The following MAGI2 variants were observed in gnomAD, a reference collection of about 807,000 sequenced individuals.
The protein encoded by MAGI2 is membrane-associated guanylate kinase, WW and PDZ domain-containing protein 2.
Under a neutral mutation model 133.3 loss-of-function variants are expected in MAGI2, and 35 were observed. The observed-to-expected ratio is 0.26, with a 90% CI of 0.20 to 0.35. MAGI2 has a LOEUF of 0.35. MAGI2 is among the 10% of genes least tolerant of loss of function. MAGI2 has a pLI of 1.00. For missense variants in MAGI2, 1,636 were observed against 1,863.4 expected (o/e 0.88, Z 2.25); for synonymous variants, 729 against 710.6 (o/e 1.03, Z -0.41).
At chr7:78,813,868 C>T (rs372385661) in intron 2 of MAGI2, among the ~76,000 whole-genome samples, 11 of 151,296 alleles carry the variant, frequency 7.3e-5, no homozygotes, top group East Asian at 5.8e-4. Context: ...AAAGTCACTA[C>T]CTCAACTAAT....
intron 16 of MAGI2, 36 bp downstream of exon 16, chr7:78,159,988 AC>A (rs1563196958): frequency 1.3e-6 from 2 of 1,523,302 alleles, no homozygotes; most frequent in Non-Finnish European, 1.8e-6. Flanking sequence ...TCAAAACAAG[AC>A]CCCTTATTCA....
chr7:78,795,695 G>A (rs1016147633), intron 2 of MAGI2, among the ~76,000 whole-genome samples: 1 of 151,928 alleles, frequency 6.6e-6, no homozygotes, highest in Non-Finnish European at 1.5e-5. Flanking sequence ...AATAGGCAAA[G>A]GAATTCTGAG....
intron 2 of MAGI2, among the ~76,000 whole-genome samples, chr7:78,926,048 T>G (rs1799670176): frequency 6.6e-6 from 1 of 152,012 alleles, no homozygotes; most frequent in African/African-American, 2.4e-5. Flanking sequence ...TTCACCGCTA[T>G]TTCAAATCCA....
intron 1 of MAGI2, among the ~76,000 whole-genome samples, chr7:79,447,223 T>C (rs1294979397): frequency 2.0e-5 from 3 of 152,002 alleles, no homozygotes; most frequent in Non-Finnish European, 4.4e-5. Flanking sequence ...CATTGTACTA[T>C]GTATGTCCCT....
intron 2 of MAGI2, among the ~76,000 whole-genome samples, chr7:78,651,256 A>G (rs1811527107): frequency 6.6e-6 from 1 of 152,138 alleles, no homozygotes; most frequent in Admixed American, 6.6e-5. Context: ...CTGATAATTC[A>G]TGTAACACAC....
intron 3 of MAGI2, among the ~76,000 whole-genome samples, chr7:78,562,528 C>T (rs1272051815): frequency 6.6e-6 from 1 of 152,152 alleles, no homozygotes; most frequent in Non-Finnish European, 1.5e-5. Flanking sequence ...AAAAAGGCAT[C>T]TGCTATTTAT....
intron 1 of MAGI2, among the ~76,000 whole-genome samples, chr7:79,120,159 A>C (rs1321564587): frequency 6.6e-6 from 1 of 152,092 alleles, no homozygotes. Flanking sequence ...TATTCCTCAC[A>C]AAGTAGTCTG....
At chr7:79,436,173 C>T (rs1019688119) in intron 1 of MAGI2, among the ~76,000 whole-genome samples, 5 of 147,024 alleles carry the variant, frequency 3.4e-5, no homozygotes, top group South Asian at 2.1e-4. Context: ...TTCAGTGAGC[C>T]GAGATCGTGC....
intron 1 of MAGI2, among the ~76,000 whole-genome samples, chr7:79,284,258 C>T (rs930943078): frequency 6.6e-6 from 1 of 152,082 alleles, no homozygotes; most frequent in Non-Finnish European, 1.5e-5. Context: ...CTTTATCAGT[C>T]TCCTCCATGA....
rs1812665061 is a variant in MAGI2, at chr7:78,057,120, A to G, written c.3706+21827T>C. ...GATTGTTGGATTATATGGTAATTCCATATTTAATTTTTTGAAGAACCTCCA... is the reference window on the plus strand; with the variant it reads ...GATTGTTGGATTATATGGTAATTCCGTATTTAATTTTTTGAAGAACCTCCA... On this transcript the variant is annotated intron_variant, in intron 21 of 21. Coordinates refer to ENST00000354212, the MANE Select transcript of MAGI2 (RefSeq NM_012301.4). Among the ~76,000 whole-genome samples, 5 of 151,368 alleles carry G rather than the reference A, an allele frequency of 3.3e-5. No individual in the cohort carries two copies. The South Asian group carries it at 1.0e-3, about 31-fold the overall frequency.
chr7:78,624,025 C>A (rs1023220105), intron 3 of MAGI2, among the ~76,000 whole-genome samples: 1 of 152,030 alleles, frequency 6.6e-6, no homozygotes, highest in Non-Finnish European at 1.5e-5. Context: ...AATAGCCATT[C>A]TGACATGTGA....
At chr7:78,832,637 T>C (rs1243470777) in intron 2 of MAGI2, among the ~76,000 whole-genome samples, 2 of 152,114 alleles carry the variant, frequency 1.3e-5, no homozygotes, top group Non-Finnish European at 1.5e-5. Flanking sequence ...CATAATCTCA[T>C]GATACAAGGG....
intron 2 of MAGI2, among the ~76,000 whole-genome samples, chr7:78,779,396 T>C (rs1826229452): frequency 1.3e-5 from 2 of 152,206 alleles, no homozygotes. Context: ...AGTGAATTAC[T>C]TTCCTGAAGG....
intron 9 of MAGI2, among the ~76,000 whole-genome samples, chr7:78,322,141 G>A (rs576084990): frequency 6.6e-6 from 1 of 152,148 alleles, no homozygotes; most frequent in Admixed American, 6.5e-5. Context: ...GGAGAAATAG[G>A]AACACTTTTA....
intron 1 of MAGI2, among the ~76,000 whole-genome samples, chr7:79,286,128 A>C (rs1350442049): frequency 6.6e-6 from 1 of 152,060 alleles, no homozygotes; most frequent in Admixed American, 6.6e-5. Context: ...AATGACACTT[A>C]ATCTAAGATC....
intron 2 of MAGI2, among the ~76,000 whole-genome samples, chr7:78,849,229 A>T (rs897147485): frequency 6.6e-6 from 1 of 152,094 alleles, no homozygotes; most frequent in African/African-American, 2.4e-5. Context: ...AAGAAATATC[A>T]AAACAATCAC....
chr7:79,045,634 T>C (rs555352860), intron 1 of MAGI2, among the ~76,000 whole-genome samples: 1 of 152,078 alleles, frequency 6.6e-6, no homozygotes, highest in Non-Finnish European at 1.5e-5. Context: ...CTACTAAAAA[T>C]ACAAAAAATT....
chr7:79,227,993 G>A (rs953202344), intron 1 of MAGI2, among the ~76,000 whole-genome samples: 3 of 152,054 alleles, frequency 2.0e-5, no homozygotes, highest in South Asian at 4.2e-4. Flanking sequence ...ATGTGGCCAG[G>A]GTAAAGCTAA....
chr7:79,246,224 C>T (rs1344097168), intron 1 of MAGI2, among the ~76,000 whole-genome samples: 2 of 152,172 alleles, frequency 1.3e-5, no homozygotes, highest in Non-Finnish European at 2.9e-5. Flanking sequence ...AAATGCCCAA[C>T]TCTTCAATGC....
Sources: allele counts gnomAD v4.1 joint callset (sites outside exome capture counted in the v4.1 genomes callset), GRCh38; gene constraint gnomAD v4.1.1; transcripts MANE v1.5; gene names NCBI Gene and HGNC (gene_info 2026-07-23, HGNC 2026-07-21).